MAPK6: variants seen among roughly 807,000 people sequenced by gnomAD.
MAPK6 encodes the protein mitogen-activated protein kinase 6.
MAPK6 carries 19 observed loss-of-function variants against 59.3 expected under a neutral mutation model. The observed-to-expected ratio is 0.32, with a 90% CI of 0.22 to 0.47. MAPK6 has a LOEUF of 0.47. Among genes scored for constraint, MAPK6 ranks in the 20% least tolerant of loss-of-function variants. The pLI is 1.00. For synonymous variants in MAPK6, 316 were observed against 290.3 expected, an observed-to-expected ratio of 1.09 and a Z score of -0.90; for missense variants, 724 against 847.9, an observed-to-expected ratio of 0.85 and a Z score of 1.81.
At chr15:52,020,352 A>G (rs771212834) in intron 1 of MAPK6, among the ~76,000 whole-genome samples, 1 of 151,834 alleles carries the variant, frequency 6.6e-6, no homozygotes, top group African/African-American at 2.4e-5. Context: ...TTGCTTGTTC[A>G]TTGGAAAAGG....
chr15:52,058,843 G>A (rs2032088172), intron 4 of MAPK6, 46 bp downstream of exon 4: 13 of 1,516,680 alleles, frequency 8.6e-6, no homozygotes, highest in Non-Finnish European at 1.2e-5. Flanking sequence ...CTGTGTGTGA[G>A]GCAGAATCTG....
intron 3 of MAPK6, among the ~76,000 whole-genome samples, chr15:52,005,058 A>G (rs1001909132): frequency 6.6e-6 from 1 of 152,234 alleles, no homozygotes; most frequent in Non-Finnish European, 1.5e-5. Context: ...GTAAATAAGC[A>G]TGTGAACGCT....
At chr15:51,996,017 C>A (rs909996591) in intron 2 of MAPK6, among the ~76,000 whole-genome samples, 1 of 152,180 alleles carries the variant, frequency 6.6e-6, no homozygotes, top group Non-Finnish European at 1.5e-5. Context: ...CCGCTTTCAG[C>A]CTTGGTAACT....
intron 1 of MAPK6, among the ~76,000 whole-genome samples, chr15:52,032,675 A>T (rs2031083844): frequency 2.0e-5 from 3 of 151,608 alleles, no homozygotes; most frequent in African/African-American, 7.3e-5. Context: ...CAGTTTTTTT[A>T]AATACTTTTT....
At chr15:52,051,924 C>T (rs372624903) in intron 3 of MAPK6, among the ~76,000 whole-genome samples, 4 of 151,474 alleles carry the variant, frequency 2.6e-5, no homozygotes, top group African/African-American at 7.3e-5. Context: ...AATTGGAATT[C>T]GGAGGGATTC....
chr15:52,016,015 C>G (rs1323468428), upstream of MAPK6, among the ~76,000 whole-genome samples: 1 of 148,070 alleles, frequency 6.8e-6, no homozygotes, highest in East Asian at 2.1e-4. Context: ...GAGATCCTGC[C>G]ACTGCACTCC....
Position 52,024,878 on chromosome 15 carries a change from C to CTTTT in MAPK6, c.-632+5523_-632+5526dup, listed in dbSNP as rs35983896. 3.8e-4 allele frequency among the ~76,000 whole-genome samples: 32 copies of CTTTT among 84,132 alleles called. 1 individual carries two copies. The highest frequency in any genetic ancestry group is 5.6e-4 in the Non-Finnish European group (26 of 46,704). The allele number at this position is 84,132 out of a possible 152,430, so 55.2% of individuals were successfully genotyped here. On this transcript the variant is annotated intron_variant, in intron 1 of 5. Coordinates refer to ENST00000261845, the MANE Select transcript of MAPK6 (RefSeq NM_002748.4). ...ACAGGCATGTGCCATCATACACTGC[C>CTTTT]TTTTTTTTTTTTTTTTTTTTTTTTA...
intron 3 of MAPK6, among the ~76,000 whole-genome samples, chr15:52,006,940 G>GA (rs2029905365): frequency 6.6e-6 from 1 of 152,090 alleles, no homozygotes; most frequent in Admixed American, 6.5e-5. Context: ...GTTTGAAACT[G>GA]AAAATGTATT....
chr15:51,985,853 G>A (rs1314853907), intron 2 of MAPK6, among the ~76,000 whole-genome samples: 3 of 152,030 alleles, frequency 2.0e-5, no homozygotes, highest in Non-Finnish European at 4.4e-5. Context: ...AGCTACTCGG[G>A]AGGCTGAGGC....
At chr15:52,056,764 T>C (rs1299362946) in intron 3 of MAPK6, 3 of 152,264 alleles carry the variant, frequency 2.0e-5, no homozygotes, top group Non-Finnish European at 4.4e-5. Context: ...GGCTCCCTGC[T>C]TCTCTAGCTT....
At position 52,019,259 on chromosome 15, in the gene MAPK6, G is replaced by C. The variant is rs950083101; in HGVS notation, c.-749G>C. The C allele has an allele frequency of 6.6e-6, 1 of 152,146 alleles. No homozygotes were observed. The highest frequency in any genetic ancestry group is 1.5e-5 in the Non-Finnish European group (1 of 68,030). 9.4% of individuals were successfully genotyped at this position (152,146 alleles called of 1,614,324 possible). Reference sequence around the variant, plus strand: ...TCGCGGGTCGGGGTTACATGGCGGCGACTGCGGCAAAGCGAGAGCCTCGGA... The same window carrying C: ...TCGCGGGTCGGGGTTACATGGCGGCCACTGCGGCAAAGCGAGAGCCTCGGA... On this transcript the variant is annotated 5_prime_UTR_variant, in exon 1 of 6. Transcript: ENST00000261845.
chr15:51,971,910 T>C (rs2057128700), intron 1 of MAPK6: 1 of 693,776 alleles, frequency 1.4e-6, no homozygotes, highest in Middle Eastern at 2.4e-4. Context: ...CGCCTGGGTA[T>C]GCATGGTATA....
chr15:51,973,738 C>T (rs752313765), intron 1 of MAPK6, among the ~76,000 whole-genome samples: 1 of 151,960 alleles, frequency 6.6e-6, no homozygotes, highest in East Asian at 1.9e-4. Context: ...CTGCAACCTC[C>T]ACCTCCCGGG....
chr15:52,053,642 G>A (rs1281332987), intron 3 of MAPK6, among the ~76,000 whole-genome samples: 2 of 135,608 alleles, frequency 1.5e-5, no homozygotes, highest in African/African-American at 6.1e-5. Context: ...TTGATTGATT[G>A]ATTGATTGAT....
intron 1 of MAPK6, among the ~76,000 whole-genome samples, chr15:52,025,561 G>C (rs2030738293): frequency 6.6e-6 from 1 of 152,228 alleles, no homozygotes. Flanking sequence ...CCAGCACTTT[G>C]GGAGGCTGAG....
chr15:51,989,864 G>A (rs2057202640), intron 2 of MAPK6, among the ~76,000 whole-genome samples: 1 of 152,146 alleles, frequency 6.6e-6, no homozygotes. Flanking sequence ...TCAGCTTCCT[G>A]AATTGGTGGG....
At chr15:52,032,590 G>A (rs946340366) in intron 1 of MAPK6, among the ~76,000 whole-genome samples, 3 of 152,096 alleles carry the variant, frequency 2.0e-5, no homozygotes, top group South Asian at 2.1e-4. Flanking sequence ...TACATTTGGT[G>A]TATTTTTCTT....
At chr15:52,041,422 T>C (rs1055873220) in intron 1 of MAPK6, among the ~76,000 whole-genome samples, 2 of 152,138 alleles carry the variant, frequency 1.3e-5, no homozygotes, top group African/African-American at 4.8e-5. Context: ...TCTCGAACTC[T>C]GGACCTCAGG....
At position 52,004,610 on chromosome 15, in the gene MAPK6, G is replaced by A. The variant is rs370309769; in HGVS notation, c.-632+208G>A. 4.6e-5 allele frequency among the ~76,000 whole-genome samples: 7 copies of A among 152,290 alleles called. No individual in the cohort carries two copies. The East Asian group carries it at 9.6e-4, about 21-fold the overall frequency. ...GTTGTGGAGGCTGGGAAGTCTAAGA[G>A]GGGACAGTATCTAATGAGGTCCTTC... is the stretch of plus-strand genomic sequence containing the variant. On this transcript the variant is annotated intron_variant, in intron 3 of 7. Coordinates refer to the MAPK6 transcript ENST00000691380.
Sources: allele counts gnomAD v4.1 joint callset (sites outside exome capture counted in the v4.1 genomes callset), GRCh38; gene constraint gnomAD v4.1.1; transcripts MANE v1.5; gene names NCBI Gene and HGNC (gene_info 2026-07-23, HGNC 2026-07-21).